Variants in AGBL1 observed in about 807,000 individuals in gnomAD.
The protein encoded by AGBL1 is AGBL carboxypeptidase 1.
AGBL1 carries 130 observed loss-of-function variants against 118.9 expected under a neutral mutation model. That is an observed-to-expected ratio of 1.09 (90% confidence interval 0.95 to 1.26). The LOEUF (loss-of-function observed/expected upper bound fraction) is 1.26. AGBL1 is among the 50% of genes most tolerant of loss of function. The pLI is 0.00. For missense variants in AGBL1, 1,584 were observed against 1,298.1 expected (o/e 1.22, Z -3.38); for synonymous variants, 555 against 478.9 (o/e 1.16, Z -2.08).
intron 18 of AGBL1, among the ~76,000 whole-genome samples, chr15:86,472,767 A>G (rs1445735283): frequency 6.6e-6 from 1 of 152,196 alleles, no homozygotes; most frequent in Non-Finnish European, 1.5e-5. Context: ...AAAAATACAA[A>G]AATTAGCCAG....
intron 21 of AGBL1, among the ~76,000 whole-genome samples, chr15:86,673,581 C>G (rs1305921827): frequency 6.6e-6 from 1 of 152,144 alleles, no homozygotes; most frequent in African/African-American, 2.4e-5. Flanking sequence ...CAATCTCTAC[C>G]TCACAGGGCT....
chr15:86,626,073 G>A (rs1432861258), intron 21 of AGBL1, among the ~76,000 whole-genome samples: 3 of 152,102 alleles, frequency 2.0e-5, no homozygotes, highest in African/African-American at 7.2e-5. Flanking sequence ...AAAAAGGGTT[G>A]CATTTGATTG....
At chr15:86,481,601 C>A (rs560929155) in intron 18 of AGBL1, among the ~76,000 whole-genome samples, 2 of 152,216 alleles carry the variant, frequency 1.3e-5, no homozygotes, top group South Asian at 4.1e-4. Context: ...TTACTTGCTT[C>A]CAGTTTTCCA....
chr15:86,270,963 C>T (rs1449136193), intron 14 of AGBL1, among the ~76,000 whole-genome samples: 2 of 151,658 alleles, frequency 1.3e-5, no homozygotes, highest in African/African-American at 4.9e-5. Context: ...CTCTGCATTC[C>T]TTGGCTGATG....
At chr15:86,542,582 G>C (rs1207333248) in intron 19 of AGBL1, among the ~76,000 whole-genome samples, 1 of 152,022 alleles carries the variant, frequency 6.6e-6, no homozygotes, top group Non-Finnish European at 1.5e-5. Context: ...TGGCCAGGCT[G>C]GTCTCGAACT....
intron 21 of AGBL1, among the ~76,000 whole-genome samples, chr15:86,569,291 C>A (rs1266140901): frequency 2.0e-5 from 3 of 151,698 alleles, no homozygotes; most frequent in African/African-American, 7.3e-5. Context: ...ATCAGCCGAC[C>A]ATGGTGGCAC....
intron 18 of AGBL1, among the ~76,000 whole-genome samples, chr15:86,428,878 C>T (rs1413923170): frequency 2.0e-5 from 3 of 152,070 alleles, no homozygotes; most frequent in African/African-American, 7.2e-5. Flanking sequence ...TCATCTATTA[C>T]AGAAGGAAAG....
chr15:86,803,081 G>T (rs1250309891), intron 22 of AGBL1, among the ~76,000 whole-genome samples: 2 of 152,122 alleles, frequency 1.3e-5, no homozygotes, highest in Admixed American at 6.6e-5. Flanking sequence ...AGGGGCCATA[G>T]TATGGTGAAG....
intron 18 of AGBL1, among the ~76,000 whole-genome samples, chr15:86,519,547 C>A (rs2083160979): frequency 6.6e-6 from 1 of 152,132 alleles, no homozygotes; most frequent in African/African-American, 2.4e-5. Context: ...AGATCAGAAG[C>A]AAATGGATTC....
chr15:87,021,086 C>G (rs2081659788), intron 24 of AGBL1, among the ~76,000 whole-genome samples: 1 of 152,116 alleles, frequency 6.6e-6, no homozygotes, highest in Non-Finnish European at 1.5e-5. Flanking sequence ...ATCACACTAC[C>G]TGGCTTCAAA....
At chr15:86,284,191 TAA>T (rs5814235) in intron 16 of AGBL1, among the ~76,000 whole-genome samples, 242 of 142,796 alleles carry the variant, frequency 1.7e-3, no homozygotes, top group Admixed American at 2.6e-3. Flanking sequence ...AAAATTAAAA[TAA>T]AAAAAAAAAA....
intron 5 of AGBL1, among the ~76,000 whole-genome samples, chr15:86,161,575 C>T (rs375951332): frequency 2.2e-4 from 34 of 152,248 alleles, no homozygotes; most frequent in African/African-American, 6.0e-4. Flanking sequence ...ATATGTAAGA[C>T]GATCATATGC....
At chr15:86,832,601 T>C (rs1475819121) in intron 22 of AGBL1, among the ~76,000 whole-genome samples, 3 of 152,230 alleles carry the variant, frequency 2.0e-5, no homozygotes, top group African/African-American at 7.2e-5. Flanking sequence ...AGTCACACTT[T>C]TGCTTCAGTT....
At chr15:86,203,861 T>G (rs1467740636) in intron 5 of AGBL1, among the ~76,000 whole-genome samples, 8 of 152,208 alleles carry the variant, frequency 5.3e-5, no homozygotes, top group Non-Finnish European at 1.2e-4. Flanking sequence ...CTCATCTTAT[T>G]CATTCATTCT....
At chr15:86,584,810 A>G (rs548624075) in intron 21 of AGBL1, among the ~76,000 whole-genome samples, 1 of 152,194 alleles carries the variant, frequency 6.6e-6, no homozygotes, top group Non-Finnish European at 1.5e-5. Context: ...CTTCCAATCC[A>G]TGAGTATGGA....
chr15:86,351,597 G>T (rs996145136), intron 17 of AGBL1, among the ~76,000 whole-genome samples: 2 of 152,130 alleles, frequency 1.3e-5, no homozygotes, highest in African/African-American at 4.8e-5. Context: ...CTTGCCTTTG[G>T]AAGACCCAGC....
At chr15:86,458,188 C>T (rs2082284108) in intron 18 of AGBL1, among the ~76,000 whole-genome samples, 1 of 151,902 alleles carries the variant, frequency 6.6e-6, no homozygotes, top group African/African-American at 2.4e-5. Flanking sequence ...AAAAATCAAG[C>T]CTGTTTTTCC....
rs1256503913 is a variant in AGBL1, at chr15:86,269,917, A to C, written c.1839-2A>C. Reference sequence around the variant, plus strand: ...CCCTCCAGTCTTGCTTCTGATCTGCAGGTTCGAGTATGACTTGCTGGTCAA... The same window carrying C: ...CCCTCCAGTCTTGCTTCTGATCTGCCGGTTCGAGTATGACTTGCTGGTCAA... On this transcript the variant is annotated splice_acceptor_variant, in intron 13 of 22. Coordinates refer to ENST00000614907, the MANE Select transcript of AGBL1 (RefSeq NM_001386094.1). LOFTEE classifies it high-confidence loss of function. 1.4e-5 allele frequency: 23 copies of C among 1,613,300 alleles called. No individual in the cohort carries two copies. Among genetic ancestry groups the C allele is most frequent in the Admixed American group, 3.3e-5 (2 of 59,954 alleles).
intron 5 of AGBL1, among the ~76,000 whole-genome samples, chr15:86,208,148 C>T (rs142534303): frequency 0.013 from 1,924 of 152,156 alleles, 43 homozygotes; most frequent in African/African-American, 0.044. Flanking sequence ...GTTGAACCAG[C>T]CTTGCATCCC....
Sources: allele counts gnomAD v4.1 joint callset (sites outside exome capture counted in the v4.1 genomes callset), GRCh38; gene constraint gnomAD v4.1.1; transcripts MANE v1.5; gene names NCBI Gene and HGNC (gene_info 2026-07-23, HGNC 2026-07-21).